PRRX2: variants seen among roughly 807,000 people sequenced by gnomAD.
PRRX2 encodes paired mesoderm homeobox protein 2.
A neutral mutation model predicts 18.0 loss-of-function variants in PRRX2; 11 were observed. The ratio of observed to expected loss-of-function variants is 0.61; its 90% confidence interval spans 0.39 to 1.01. PRRX2 has a LOEUF of 1.01. PRRX2 is among the 50% of genes least tolerant of loss of function. The pLI, the probability that PRRX2 is intolerant of heterozygous loss-of-function variation, is 0.01. For synonymous variants in PRRX2, 177 were observed against 154.8 expected, an observed-to-expected ratio of 1.14 and a Z score of -1.06; for missense variants, 387 against 351.0, an observed-to-expected ratio of 1.10 and a Z score of -0.82.
chr9:129,711,845 C>T (rs919382819), intron 1 of PRRX2, among the ~76,000 whole-genome samples: 1 of 152,182 alleles, frequency 6.6e-6, no homozygotes, highest in Non-Finnish European at 1.5e-5. Flanking sequence ...CCATTCCTTA[C>T]TGGGGGAGGT....
Position 129,715,747 on chromosome 9 carries a change from T to TTCTCTCTCTCTCTCTC in PRRX2, c.260-3480_260-3479insTCTCTCTCTCTCTCTC, listed in dbSNP as rs111270890. On this transcript the variant is annotated intron_variant, in intron 1 of 3. Coordinates refer to ENST00000372469, the MANE Select transcript of PRRX2 (RefSeq NM_016307.4). This position sits in a 1 kb window ranked among gnomAD's most constrained non-coding sequence, Gnocchi z 4.0. ...TCCAAACCCAGCTTCAGGGACATCT[T>TTCTCTCTCTCTCTCTC]TCTCACACACACACACACACACACA... Among the ~76,000 whole-genome samples, 587 of 112,734 alleles carry TTCTCTCTCTCTCTCTC rather than the reference T, an allele frequency of 5.2e-3. 6 individuals are homozygous for TTCTCTCTCTCTCTCTC. Among genetic ancestry groups the TTCTCTCTCTCTCTCTC allele is most frequent in the African/African-American group, 0.017 (521 of 30,688 alleles). 74.0% of individuals were successfully genotyped at this position (112,734 alleles called of 152,430 possible). A position where few individuals can be genotyped will look rare whatever the true frequency, so the allele number is the denominator to read the frequency against.
intron 1 of PRRX2, among the ~76,000 whole-genome samples, chr9:129,684,456 A>C (rs1052582965): frequency 5.1e-4 from 64 of 126,036 alleles, no homozygotes; most frequent in African/African-American, 1.7e-3. Context: ...ACACACACAC[A>C]CACCCAACAG....
At chr9:129,666,352 G>A (rs1832022685) in intron 1 of PRRX2, among the ~76,000 whole-genome samples, 1 of 152,190 alleles carries the variant, frequency 6.6e-6, no homozygotes, top group African/African-American at 2.4e-5. Context: ...CCACGGGGAA[G>A]TGCGCTGCCT....
intron 1 of PRRX2, 44 bp downstream of exon 1, chr9:129,666,170 G>C: frequency 1.0e-6 from 1 of 995,728 alleles, no homozygotes; most frequent in Non-Finnish European, 1.2e-6. Flanking sequence ...GGCCGGGGCC[G>C]GGGCCGGGGC....
chr9:129,685,349 T>C (rs1832288304), intron 1 of PRRX2, among the ~76,000 whole-genome samples: 1 of 152,190 alleles, frequency 6.6e-6, no homozygotes. Flanking sequence ...TTTCACTCAC[T>C]GTTTGTTCAT....
chr9:129,665,864 G>T lies in PRRX2; in HGVS notation c.-4G>T, dbSNP rs928199173. The T allele has an allele frequency of 7.4e-4, 767 of 1,043,132 alleles. 7 individuals are homozygous for T. In the African/African-American group the frequency reaches 0.012, roughly 16 times the overall value. 64.6% of individuals were successfully genotyped at this position (1,043,132 alleles called of 1,614,324 possible). ...CGCCGGCCCCCCCGGGGCCGCTCGC[G>T]GGCATGGACAGCGCGGCCGCCGCCT... On this transcript the variant is annotated 5_prime_UTR_variant, in exon 1 of 4. Coordinates refer to ENST00000372469, the MANE Select transcript of PRRX2 (RefSeq NM_016307.4). The surrounding 1 kb of genome is among the most constrained non-coding windows in gnomAD (Gnocchi z 5.3).
chr9:129,711,521 C>G (rs898674417), intron 1 of PRRX2, among the ~76,000 whole-genome samples: 1 of 151,188 alleles, frequency 6.6e-6, no homozygotes. Flanking sequence ...TTCTCATGCC[C>G]CAGCCTCCCA....
chr9:129,680,400 C>CA (rs1207606607), intron 1 of PRRX2, among the ~76,000 whole-genome samples: 7,349 of 85,156 alleles, frequency 0.086, 464 homozygotes, highest in East Asian at 0.17. Flanking sequence ...GACTCCGTCT[C>CA]AAAAAAAAAA....
At chr9:129,674,297 T>C (rs1455732022) in intron 1 of PRRX2, among the ~76,000 whole-genome samples, 1 of 152,150 alleles carries the variant, frequency 6.6e-6, no homozygotes, top group African/African-American at 2.4e-5. Flanking sequence ...GCTAATGATA[T>C]CTTTCCTTGT....
chr9:129,718,874 C>T (rs1266929384), intron 1 of PRRX2, among the ~76,000 whole-genome samples: 1 of 152,180 alleles, frequency 6.6e-6, no homozygotes, highest in Non-Finnish European at 1.5e-5. Flanking sequence ...CTGAGCCCTC[C>T]TTGAGCAGGT....
rs1416014295 is a variant in PRRX2, at chr9:129,675,794, G to A, written c.259+9668G>A. Among the ~76,000 whole-genome samples the A allele has an allele frequency of 6.6e-6, 1 of 152,210 alleles. No individual in the cohort carries two copies. The highest frequency in any genetic ancestry group is 1.5e-5 in the Non-Finnish European group (1 of 68,032). On this transcript the variant is annotated intron_variant, in intron 1 of 3. Transcript: ENST00000372469. This position sits in a 1 kb window ranked among gnomAD's most constrained non-coding sequence, Gnocchi z 4.4. ...GGAATCAAAGCGGGAGCCGCCAGGC[G>A]GGCGCGCCTGGCAGGGGCCTCGCAG...
chr9:129,678,820 C>T (rs1003794430), intron 1 of PRRX2, among the ~76,000 whole-genome samples: 13 of 152,164 alleles, frequency 8.5e-5, no homozygotes, highest in Admixed American at 5.2e-4. Flanking sequence ...GCATCTCTTA[C>T]GGTCACATGG....
intron 1 of PRRX2, among the ~76,000 whole-genome samples, chr9:129,667,398 T>A (rs1832039112): frequency 1.3e-5 from 2 of 152,008 alleles, no homozygotes; most frequent in African/African-American, 2.4e-5. Flanking sequence ...CGGCCCAAGG[T>A]CATTTGAGGA....
At chr9:129,721,926 T>A (rs1219046314) in intron 3 of PRRX2, among the ~76,000 whole-genome samples, 1 of 152,110 alleles carries the variant, frequency 6.6e-6, no homozygotes, top group Non-Finnish European at 1.5e-5. Context: ...TCTGCCTCCA[T>A]CCTGCTGAGA....
rs1163505833 is a variant in PRRX2 at position 129,692,586 on chromosome 9, A to C, written c.259+26460A>C. ...CCGTCCCTCCTGCAGCCCTGCAACC[A>C]CTGACCCTTTTACTATCTCCAAAGA... is the stretch of plus-strand genomic sequence containing the variant. On this transcript the variant is annotated intron_variant, in intron 1 of 3. Coordinates refer to ENST00000372469, the MANE Select transcript of PRRX2 (RefSeq NM_016307.4). Among the ~76,000 whole-genome samples the C allele has an allele frequency of 2.0e-5, 3 of 152,028 alleles. No homozygotes were observed. In the East Asian group the frequency reaches 5.8e-4, roughly 29 times the overall value.
In PRRX2 at chr9:129,699,471, G is replaced by GTATA. The variant is rs1554724075; in HGVS notation, c.260-19759_260-19756dup. ...TGTGTGTGTGTGTGTGTGTGTGTGT[G>GTATA]TATACATATATCCATCAATATATTA... On this transcript the variant is annotated intron_variant, in intron 1 of 3. Coordinates refer to ENST00000372469, the MANE Select transcript of PRRX2 (RefSeq NM_016307.4). Among the ~76,000 whole-genome samples the GTATA allele has an allele frequency of 2.7e-5, 4 of 148,702 alleles. No individual in the cohort carries two copies. The East Asian group carries it at 7.8e-4, about 29-fold the overall frequency.
intron 1 of PRRX2, among the ~76,000 whole-genome samples, chr9:129,686,216 C>G (rs182965876): frequency 6.6e-6 from 1 of 152,264 alleles, no homozygotes; most frequent in East Asian, 1.9e-4. Context: ...TGTAGGCTCC[C>G]CTTCTGGTGT....
At chr9:129,685,200 G>A (rs1832287093) in intron 1 of PRRX2, among the ~76,000 whole-genome samples, 1 of 152,220 alleles carries the variant, frequency 6.6e-6, no homozygotes, top group Non-Finnish European at 1.5e-5. Flanking sequence ...AGCAGGGCAA[G>A]TTGGGGTCTG....
intron 1 of PRRX2, among the ~76,000 whole-genome samples, chr9:129,687,332 C>T (rs1042104857): frequency 1.3e-5 from 2 of 152,144 alleles, no homozygotes; most frequent in African/African-American, 4.8e-5. Flanking sequence ...TGTTGTTCAG[C>T]GGGCCCCTCG....
Sources: gnomAD v4.1 joint callset for allele counts (sites outside exome capture counted in the v4.1 genomes callset) on GRCh38, gnomAD v4.1.1 for gene constraint, Gnocchi (gnomAD v3.1) non-coding constraint, MANE v1.5 for transcripts, NCBI Gene and HGNC (gene_info 2026-07-23, HGNC 2026-07-21) for gene names.